Variants in MECOM observed in about 807,000 individuals in gnomAD.
MECOM encodes histone-lysine N-methyltransferase MECOM.
MECOM carries 13 observed loss-of-function variants against 116.3 expected under a neutral mutation model. That is an observed-to-expected ratio of 0.11 (90% CI 0.07 to 0.18). The LOEUF is 0.18. Among genes scored for constraint, MECOM ranks in the 10% least tolerant of loss-of-function variants. MECOM has a pLI of 1.00. For missense variants in MECOM, 1,299 were observed against 1,509.0 expected (o/e 0.86, Z 2.31); for synonymous variants, 528 against 535.2 (o/e 0.99, Z 0.19).
At chr3:169,111,767 C>G (rs1727473482) in intron 9 of MECOM, among the ~76,000 whole-genome samples, 1 of 151,814 alleles carries the variant, frequency 6.6e-6, no homozygotes, top group Non-Finnish European at 1.5e-5. Flanking sequence ...TTATTCAGGA[C>G]TCTAGAAAGA....
intron 2 of MECOM, 92 bp from the exon 3 acceptor site, chr3:169,143,924 T>A: frequency 7.3e-7 from 1 of 1,369,102 alleles, no homozygotes; most frequent in Non-Finnish European, 9.6e-7. Flanking sequence ...GAAATGTATA[T>A]TCCTTCTTTG....
chr3:169,208,952 A>C (rs1440890597), intron 2 of MECOM, among the ~76,000 whole-genome samples: 2 of 152,014 alleles, frequency 1.3e-5, no homozygotes, highest in Non-Finnish European at 2.9e-5. Flanking sequence ...ACTATACTAC[A>C]AGGCCACAAT....
intron 1 of MECOM, among the ~76,000 whole-genome samples, chr3:169,408,803 A>G (rs1737113657): frequency 1.3e-5 from 2 of 152,196 alleles, no homozygotes; most frequent in Non-Finnish European, 2.9e-5. Flanking sequence ...TCAGTTTTAT[A>G]TTCATCTGTT....
intron 1 of MECOM, among the ~76,000 whole-genome samples, chr3:169,499,601 T>C (rs9864858): frequency 0.04 from 5,469 of 135,196 alleles, 334 homozygotes; most frequent in African/African-American, 0.15. Flanking sequence ...TACTAAACAA[T>C]TTACTTCGAC....
chr3:169,180,215 A>G (rs1238834287), intron 2 of MECOM, among the ~76,000 whole-genome samples: 14 of 152,148 alleles, frequency 9.2e-5, no homozygotes, highest in African/African-American at 3.4e-4. Flanking sequence ...TTGTATAGCT[A>G]TTTGTAAGGT....
chr3:169,099,766 T>C (rs1419478029), intron 12 of MECOM, among the ~76,000 whole-genome samples: 1 of 152,176 alleles, frequency 6.6e-6, no homozygotes, highest in Non-Finnish European at 1.5e-5. Context: ...ATTCATTCTT[T>C]GAAGAAATAT....
chr3:169,523,455 G>A (rs1757592573), intron 1 of MECOM, among the ~76,000 whole-genome samples: 3 of 150,456 alleles, frequency 2.0e-5, no homozygotes, highest in Admixed American at 2.0e-4. Context: ...TTTCCTAAGA[G>A]AGAACTTCTC....
chr3:169,468,939 T>C (rs561347412), intron 1 of MECOM, among the ~76,000 whole-genome samples: 1 of 152,316 alleles, frequency 6.6e-6, no homozygotes, highest in African/African-American at 2.4e-5. Context: ...ATTGTAATCA[T>C]GGTCTTGGTT....
At chr3:169,182,264 T>C (rs1746065457) in intron 2 of MECOM, among the ~76,000 whole-genome samples, 1 of 152,238 alleles carries the variant, frequency 6.6e-6, no homozygotes, top group South Asian at 2.1e-4. Flanking sequence ...TATTCTCACT[T>C]TATTCAAAAG....
At chr3:169,547,924 G>A (rs530158679) in intron 1 of MECOM, among the ~76,000 whole-genome samples, 2 of 152,092 alleles carry the variant, frequency 1.3e-5, no homozygotes, top group Admixed American at 6.5e-5. Flanking sequence ...CAATAGACTC[G>A]CCTCAGAGCC....
chr3:169,286,469 G>A (rs1386914940), intron 2 of MECOM, among the ~76,000 whole-genome samples: 1 of 152,128 alleles, frequency 6.6e-6, no homozygotes, highest in Non-Finnish European at 1.5e-5. Context: ...ATCCAGCCAG[G>A]AAACAGGCAG....
At chr3:169,518,309 T>C (rs567504865) in intron 1 of MECOM, among the ~76,000 whole-genome samples, 7 of 151,780 alleles carry the variant, frequency 4.6e-5, no homozygotes, top group African/African-American at 7.2e-5. Context: ...AGTACTGGTG[T>C]TCTCCAATTT....
chr3:169,131,071 C>CATCCCCTTG (rs1299848307), intron 4 of MECOM, among the ~76,000 whole-genome samples: 1 of 152,136 alleles, frequency 6.6e-6, no homozygotes, highest in African/African-American at 2.4e-5. Context: ...ATGACAGAAA[C>CATCCCCTTG]ATCCCCTTGA....
intron 1 of MECOM, among the ~76,000 whole-genome samples, chr3:169,631,846 G>A (rs928680089): frequency 2.6e-5 from 4 of 151,840 alleles, no homozygotes; most frequent in Admixed American, 6.6e-5. Flanking sequence ...CAGGCTATGA[G>A]CCACCCAAAT....
intron 1 of MECOM, among the ~76,000 whole-genome samples, chr3:169,393,284 G>T (rs1030871746): frequency 6.6e-6 from 1 of 152,138 alleles, no homozygotes; most frequent in African/African-American, 2.4e-5. Context: ...AACCTCCAGT[G>T]GCATGGCACC....
chr3:169,479,235 T>A (rs191748014), intron 1 of MECOM, among the ~76,000 whole-genome samples: 1 of 151,478 alleles, frequency 6.6e-6, no homozygotes, highest in Admixed American at 6.6e-5. Context: ...AGGTGAGATA[T>A]AAAGCAAGTA....
intron 1 of MECOM, among the ~76,000 whole-genome samples, chr3:169,518,145 G>C (rs1489847986): frequency 6.6e-6 from 1 of 152,082 alleles, no homozygotes; most frequent in Admixed American, 6.5e-5. Flanking sequence ...TGTGGTTCCA[G>C]CTACTTGGGA....
chr3:169,573,144 A>C (rs1576942921), intron 1 of MECOM, among the ~76,000 whole-genome samples: 1 of 152,066 alleles, frequency 6.6e-6, no homozygotes, highest in East Asian at 1.9e-4. Context: ...TCTCCCCCTC[A>C]CCCTCTGCTT....
intron 1 of MECOM, among the ~76,000 whole-genome samples, chr3:169,636,637 T>C (rs1222824665): frequency 6.6e-6 from 1 of 152,192 alleles, no homozygotes; most frequent in Non-Finnish European, 1.5e-5. Context: ...CGAAGGTTCG[T>C]AATCCTGTCC....
Sources: gnomAD v4.1 joint callset for allele counts (sites outside exome capture counted in the v4.1 genomes callset) on GRCh38, gnomAD v4.1.1 for gene constraint, MANE v1.5 for transcripts, NCBI Gene and HGNC (gene_info 2026-07-23, HGNC 2026-07-21) for gene names.